Variants in MGLL observed in about 807,000 individuals in gnomAD.
MGLL encodes the protein monoglyceride lipase, also known as lysophospholipase homolog.
In MGLL, 7 loss-of-function variants were observed where a neutral mutation model predicts 29.1. The ratio of observed to expected loss-of-function variants is 0.24; its 90% CI spans 0.14 to 0.45. The LOEUF (loss-of-function observed/expected upper bound fraction) is 0.45, where lower values mean the gene tolerates loss of function less well. Ranked by LOEUF, MGLL falls within the 20% of genes least tolerant of loss-of-function variation. The probability of loss-of-function intolerance (pLI) is 0.99; values close to 1 mark genes in which losing one functional copy is unlikely to be tolerated. For synonymous variants in MGLL, 148 were observed against 168.3 expected, an observed-to-expected ratio of 0.88 and a Z score of 0.93; for missense variants, 356 against 413.6, an observed-to-expected ratio of 0.86 and a Z score of 1.21.
chr3:127,747,810 CG>C (rs2076477163), intron 3 of MGLL, among the ~76,000 whole-genome samples: 1 of 152,182 alleles, frequency 6.6e-6, no homozygotes, highest in Non-Finnish European at 1.5e-5. Context: ...GTGATTGGAG[CG>C]GGCTTCTCCT....
chr3:127,738,908 C>T (rs1000867526), intron 3 of MGLL, among the ~76,000 whole-genome samples: 1 of 152,228 alleles, frequency 6.6e-6, no homozygotes, highest in African/African-American at 2.4e-5. Context: ...CTTACCAATG[C>T]CCTACGGCCA....
At chr3:127,708,865 G>A (rs1241575821) in intron 6 of MGLL, among the ~76,000 whole-genome samples, 1 of 152,238 alleles carries the variant, frequency 6.6e-6, no homozygotes, top group African/African-American at 2.4e-5. Flanking sequence ...GCCATGGGCT[G>A]CGTGGACCAG....
chr3:127,807,952 C>T (rs768275778), intron 2 of MGLL, among the ~76,000 whole-genome samples: 1 of 151,574 alleles, frequency 6.6e-6, no homozygotes, highest in Non-Finnish European at 1.5e-5. Context: ...AGTAGGGATG[C>T]GATTTCACCA....
chr3:127,736,222 AT>A (rs2076240265), intron 3 of MGLL: 2 of 985,986 alleles, frequency 2.0e-6, no homozygotes, highest in African/African-American at 1.8e-5. Flanking sequence ...AGAAGATTGC[AT>A]GAGGAAAAGC....
chr3:127,735,808 C>G (rs766272578), intron 3 of MGLL: 2 of 1,598,382 alleles, frequency 1.3e-6, no homozygotes, highest in Admixed American at 3.3e-5. Context: ...CTGGCATTCT[C>G]TTGGTGCTCG....
intron 5 of MGLL, among the ~76,000 whole-genome samples, chr3:127,714,995 G>T (rs1310606146): frequency 6.6e-6 from 1 of 152,176 alleles, no homozygotes; most frequent in Non-Finnish European, 1.5e-5. Flanking sequence ...AGCAGCGCCA[G>T]GGGCTCCAGG....
At chr3:127,727,480 G>C (rs62270463) in intron 3 of MGLL, among the ~76,000 whole-genome samples, 1 of 152,214 alleles carries the variant, frequency 6.6e-6, no homozygotes, top group East Asian at 1.9e-4. Flanking sequence ...GGGAGGCCAA[G>C]GTGGGCAGAT....
At chr3:127,786,304 T>C (rs2107715401) in intron 2 of MGLL, among the ~76,000 whole-genome samples, 1 of 152,348 alleles carries the variant, frequency 6.6e-6, no homozygotes, top group South Asian at 2.1e-4. Flanking sequence ...CCTGCCCTTC[T>C]TCCCCTGCCG....
At chr3:127,745,672 C>A (rs1381108584) in intron 3 of MGLL, among the ~76,000 whole-genome samples, 1 of 152,088 alleles carries the variant, frequency 6.6e-6, no homozygotes, top group Non-Finnish European at 1.5e-5. Context: ...GCACTTGTAC[C>A]CATACATTTA....
At chr3:127,717,503 G>A (rs937101821) in intron 5 of MGLL, among the ~76,000 whole-genome samples, 4 of 152,190 alleles carry the variant, frequency 2.6e-5, no homozygotes, top group African/African-American at 4.8e-5. Context: ...TGCATGTCAG[G>A]CACCGAGTGC....
intron 6 of MGLL, among the ~76,000 whole-genome samples, chr3:127,698,522 T>C (rs566259575): frequency 6.6e-6 from 1 of 152,218 alleles, no homozygotes; most frequent in East Asian, 1.9e-4. Flanking sequence ...ACTGATGTAA[T>C]GTTCTTCACG....
chr3:127,782,543 G>A (rs1390684751), intron 2 of MGLL, among the ~76,000 whole-genome samples: 2 of 152,188 alleles, frequency 1.3e-5, no homozygotes, highest in African/African-American at 4.8e-5. Context: ...CCCAGGCAGA[G>A]TGCTGGCGCG....
chr3:127,796,933 C>T (rs1054748662), intron 2 of MGLL, among the ~76,000 whole-genome samples: 1 of 152,180 alleles, frequency 6.6e-6, no homozygotes, highest in African/African-American at 2.4e-5. Flanking sequence ...TAACATCTCT[C>T]TTTGGGCACT....
At chr3:127,729,137 T>C (rs2076099650) in intron 3 of MGLL, among the ~76,000 whole-genome samples, 1 of 152,168 alleles carries the variant, frequency 6.6e-6, no homozygotes. Flanking sequence ...TGGTTTCTTT[T>C]GAGATTCTTA....
rs1327182676 is a variant in MGLL, at chr3:127,693,997, TGA to T, written c.816+976_816+977del. On this transcript the variant is annotated intron_variant, in intron 7 of 7. Coordinates refer to ENST00000265052, the MANE Select transcript of MGLL (RefSeq NM_007283.7). ...CTTTTAAAAAATATATTTTGCTGGG[TGA>T]GGTGGCTCACGCCTGCAATCCCAGC... Among the ~76,000 whole-genome samples, 1,203 of 152,154 alleles carry T rather than the reference TGA, an allele frequency of 7.9e-3. 16 individuals are homozygous for T. Among genetic ancestry groups the T allele is most frequent in the East Asian group, 0.073 (375 of 5,166 alleles).
chr3:127,782,125 G>A (rs995130930), intron 2 of MGLL, among the ~76,000 whole-genome samples: 9 of 152,168 alleles, frequency 5.9e-5, no homozygotes, highest in Non-Finnish European at 1.5e-5. Context: ...GGCAGGCTGA[G>A]GCAGGAGAAT....
At chr3:127,726,166 AAG>A (rs1220024758) in intron 3 of MGLL, among the ~76,000 whole-genome samples, 1 of 30,498 alleles carries the variant, frequency 3.3e-5, no homozygotes, top group Non-Finnish European at 7.9e-5. Context: ...GAAAGAAAGA[AAG>A]AAAGAAAGAA....
intron 2 of MGLL, among the ~76,000 whole-genome samples, chr3:127,784,905 G>A (rs1025013380): frequency 2.6e-5 from 4 of 152,144 alleles, no homozygotes; most frequent in African/African-American, 9.7e-5. Flanking sequence ...CAGAAACTTC[G>A]CATTGCAACA....
chr3:127,712,123 C>T (rs2107608770), intron 5 of MGLL: 1 of 152,360 alleles, frequency 6.6e-6, no homozygotes, highest in East Asian at 1.9e-4. Flanking sequence ...GGGAGGGGCC[C>T]CGGGCTGGGG....
Sources: gnomAD v4.1 joint callset for allele counts (sites outside exome capture counted in the v4.1 genomes callset) on GRCh38, gnomAD v4.1.1 for gene constraint, MANE v1.5 for transcripts, NCBI Gene and HGNC (gene_info 2026-07-23, HGNC 2026-07-21) for gene names.